KCNMA1: variants seen among roughly 807,000 people sequenced by gnomAD.
KCNMA1 encodes the protein potassium calcium-activated channel subfamily M alpha 1.
Under a neutral mutation model 140.0 loss-of-function variants are expected in KCNMA1, and 29 were observed. The ratio of observed to expected loss-of-function variants is 0.21; its 90% CI spans 0.15 to 0.28. The LOEUF (loss-of-function observed/expected upper bound fraction) is 0.28. Among genes scored for constraint, KCNMA1 ranks in the 10% least tolerant of loss-of-function variants. The pLI, the probability that KCNMA1 is intolerant of heterozygous loss-of-function variation, is 1.00. For missense variants in KCNMA1, 880 were observed against 1,602.2 expected (o/e 0.55, Z 7.70); for synonymous variants, 612 against 611.9 (o/e 1.00, Z 0.00).
chr10:77,046,584 GA>G (rs922514187), intron 14 of KCNMA1, among the ~76,000 whole-genome samples: 68 of 152,294 alleles, frequency 4.5e-4, no homozygotes, highest in African/African-American at 1.6e-3. Context: ...ATTTCTTGCT[GA>G]AAAGTACGAT....
intron 2 of KCNMA1, among the ~76,000 whole-genome samples, chr10:77,326,347 G>A (rs960095520): frequency 6.6e-6 from 1 of 152,036 alleles, no homozygotes; most frequent in Non-Finnish European, 1.5e-5. Flanking sequence ...ACTTCATAAC[G>A]GTAGGCTTTG....
chr10:77,375,884 G>A (rs2095066104), intron 2 of KCNMA1, among the ~76,000 whole-genome samples: 1 of 152,200 alleles, frequency 6.6e-6, no homozygotes. Context: ...GGGGCTGGCT[G>A]TGGCTGCATC....
Position 77,001,551 on chromosome 10 carries a change from G to A in KCNMA1, c.2122C>T (p.Arg708Trp), listed in dbSNP as rs200299051. ...CGTCCGCAATCAAAACAACATGCCC[G>A]TCTCATTCTCTTGTAGATGGACATC... ...PKMSIYKRMR[R>W]ACCFDCGRSE... The change falls in exon 19 of 28, where the codon CGG becomes TGG. Residue 708 changes from arginine to tryptophan, a missense_variant. By Grantham distance (101) the Arg-to-Trp change is moderately radical (BLOSUM62 -3). Transcript: ENST00000286628. 6.1e-5 allele frequency: 94 copies of A among 1,551,942 alleles called. No individual in the cohort carries two copies. Among genetic ancestry groups the A allele is most frequent in the Non-Finnish European group, 6.9e-5 (79 of 1,146,946 alleles).
At chr10:76,985,029 C>T (rs1356794286) in intron 19 of KCNMA1, among the ~76,000 whole-genome samples, 1 of 152,192 alleles carries the variant, frequency 6.6e-6, no homozygotes, top group Non-Finnish European at 1.5e-5. Flanking sequence ...ATGTCAGGCC[C>T]TTCTGCGGCT....
chr10:77,016,933 T>C (rs180690790), intron 17 of KCNMA1, among the ~76,000 whole-genome samples: 80 of 152,316 alleles, frequency 5.3e-4, no homozygotes, highest in African/African-American at 1.7e-3. Context: ...AAAGCTTGTT[T>C]AGTTTCATTC....
intron 1 of KCNMA1, among the ~76,000 whole-genome samples, chr10:77,543,965 T>C (rs922574344): frequency 5.9e-5 from 9 of 152,224 alleles, no homozygotes; most frequent in Admixed American, 2.0e-4. Context: ...TGAGCTCTTC[T>C]AAAAGATATC....
At chr10:77,590,817 A>C (rs1032554558) in intron 1 of KCNMA1, among the ~76,000 whole-genome samples, 1 of 152,202 alleles carries the variant, frequency 6.6e-6, no homozygotes, top group Non-Finnish European at 1.5e-5. Flanking sequence ...CCTCCTTCCC[A>C]GAACCTCTCC....
chr10:77,349,992 A>C (rs2154384711), intron 2 of KCNMA1, among the ~76,000 whole-genome samples: 1 of 152,182 alleles, frequency 6.6e-6, no homozygotes, highest in South Asian at 2.1e-4. Flanking sequence ...TCTGCCTCCC[A>C]GGCTCAAGCG....
chr10:76,934,919 A>C (rs2131220), intron 23 of KCNMA1, among the ~76,000 whole-genome samples: 8,972 of 152,204 alleles, frequency 0.059, 513 homozygotes, highest in African/African-American at 0.14. Context: ...AAAACCTGAA[A>C]ATGTTATTTA....
intron 1 of KCNMA1, among the ~76,000 whole-genome samples, chr10:77,574,345 T>C (rs1184611985): frequency 6.6e-6 from 1 of 152,062 alleles, no homozygotes; most frequent in Non-Finnish European, 1.5e-5. Context: ...ATATACACAA[T>C]GTATGCTTTG....
rs562288140 is a variant in KCNMA1 at position 77,141,349 on chromosome 10, A to C, written c.809-20301T>G. ...AGTCGTAGGTTGAAGCCCAAACCCC[A>C]ATGTGATGGTATTTGGAGATGAGGT... On this transcript the variant is annotated intron_variant, in intron 5 of 27. Transcript: ENST00000286628. Among the ~76,000 whole-genome samples, 5 of 152,180 alleles carry C rather than the reference A, an allele frequency of 3.3e-5. No homozygotes were observed. In the South Asian group the frequency reaches 1.0e-3, roughly 32 times the overall value.
At chr10:77,206,722 T>C (rs1181034179) in intron 3 of KCNMA1, among the ~76,000 whole-genome samples, 1 of 144,426 alleles carries the variant, frequency 6.9e-6, no homozygotes, top group Non-Finnish European at 1.5e-5. Context: ...CCTACACAAG[T>C]GCCTGACACA....
Position 77,336,286 on chromosome 10 carries a change from A to T in KCNMA1, c.540+67576T>A, listed in dbSNP as rs552376023. On this transcript the variant is annotated intron_variant, in intron 2 of 27. Coordinates refer to ENST00000286628, the MANE Select transcript of KCNMA1 (RefSeq NM_001161352.2). Reference sequence around the variant, plus strand: ...AACCATTACCTAGCTTCCACAGAGGATCCTGCCCTAACCAACAGATAGGCT... The same window carrying T: ...AACCATTACCTAGCTTCCACAGAGGTTCCTGCCCTAACCAACAGATAGGCT... 4.5e-4 allele frequency among the ~76,000 whole-genome samples: 69 copies of T among 152,294 alleles called. 1 individual carries two copies. The highest frequency in any genetic ancestry group is 3.9e-3 in the South Asian group (19 of 4,822).
At chr10:77,451,818 T>C (rs1018042444) in intron 1 of KCNMA1, among the ~76,000 whole-genome samples, 46 of 152,224 alleles carry the variant, frequency 3.0e-4, no homozygotes, top group African/African-American at 1.0e-3. Flanking sequence ...AGGGCATATA[T>C]CTCAATTACA....
chr10:77,557,688 C>CGAA, intron 1 of KCNMA1, among the ~76,000 whole-genome samples: 2 of 148,194 alleles, frequency 1.3e-5, no homozygotes, highest in South Asian at 4.3e-4. Context: ...GTTCTTGTCA[C>CGAA]CCAGGCTAGA....
chr10:77,506,596 A>AGAGAGAGAGAGAGTGTGTGTGT lies in KCNMA1; in HGVS notation c.379-102574_379-102573insACACACACACTCTCTCTCTCTC. Among the ~76,000 whole-genome samples the AGAGAGAGAGAGAGTGTGTGTGT allele has an allele frequency of 5.0e-3, 417 of 83,516 alleles. 45 individuals carry two copies. The highest frequency in any genetic ancestry group is 0.029 in the African/African-American group (387 of 13,368). The allele number at this position is 83,516 out of a possible 152,430, so 54.8% of individuals were successfully genotyped here. On this transcript the variant is annotated intron_variant, in intron 1 of 27. Coordinates refer to ENST00000286628, the MANE Select transcript of KCNMA1 (RefSeq NM_001161352.2). ...TAGAGAGAGAGAGAGAGAGAGAGAG[A>AGAGAGAGAGAGAGTGTGTGTGT]GTGTGTGTGTGTGTGTGTGTGTGTT...
chr10:76,953,801 C>T lies in KCNMA1; in HGVS notation c.2484G>A (p.Leu828=), dbSNP rs1335305111. 2 of 1,613,996 alleles carry T rather than the reference C, an allele frequency of 1.2e-6. No homozygotes were observed. The highest frequency in any genetic ancestry group is 1.7e-6 in the Non-Finnish European group (2 of 1,179,918). The change falls in exon 21 of 28, where the codon CTG becomes CTA. Residue 828 remains leucine (L), a splice_region_variant and synonymous_variant. Coordinates refer to ENST00000286628, the MANE Select transcript of KCNMA1 (RefSeq NM_001161352.2). The part of the protein sequence containing the change: ...CAPKEIEKVI[L]TRSEAAMTVL... ...ATCAGATGCACAGTCCCTCACTCAC[C>T]AGGATGACTTTCTCTATCTCCTTGG...
At chr10:77,491,866 C>T (rs188815396) in intron 1 of KCNMA1, among the ~76,000 whole-genome samples, 4 of 152,230 alleles carry the variant, frequency 2.6e-5, no homozygotes, top group African/African-American at 9.6e-5. Context: ...TTTTAATGCC[C>T]CTTCTGTGAC....
chr10:77,176,914 T>C lies in KCNMA1; in HGVS notation c.808+6507A>G, dbSNP rs557183479. On this transcript the variant is annotated intron_variant, in intron 5 of 27. Coordinates refer to ENST00000286628, the MANE Select transcript of KCNMA1 (RefSeq NM_001161352.2). Reference sequence around the variant, plus strand: ...GAGATGGGAAGAGTATCCTGGAGTATCCAGGTGGGCCCAATGTAATCACAA... The same window carrying C: ...GAGATGGGAAGAGTATCCTGGAGTACCCAGGTGGGCCCAATGTAATCACAA... 5.4e-4 allele frequency among the ~76,000 whole-genome samples: 82 copies of C among 152,116 alleles called. 3 individuals are homozygous for C. In the South Asian group the frequency reaches 0.017, roughly 32 times the overall value.
Sources: gnomAD v4.1 joint callset for allele counts (sites outside exome capture counted in the v4.1 genomes callset) on GRCh38, gnomAD v4.1.1 for gene constraint, MANE v1.5 for transcripts, NCBI Gene and HGNC (gene_info 2026-07-23, HGNC 2026-07-21) for gene names.